Variants in RASGRF2 observed in about 807,000 individuals in gnomAD.
RASGRF2 encodes the protein Ras protein specific guanine nucleotide releasing factor 2.
In RASGRF2, 76 loss-of-function variants were observed where a neutral mutation model predicts 151.0. That is an observed-to-expected ratio of 0.50 (90% CI 0.42 to 0.61). The LOEUF is 0.61. Ranked by LOEUF, RASGRF2 falls within the 20% of genes least tolerant of loss-of-function variation. RASGRF2 has a pLI of 0.00. For missense variants in RASGRF2, 1,148 were observed against 1,564.6 expected, an observed-to-expected ratio of 0.73 and a Z score of 4.49; for synonymous variants, 504 against 566.5, an observed-to-expected ratio of 0.89 and a Z score of 1.57.
At chr5:81,090,493 G>C (rs987450895) in intron 9 of RASGRF2, among the ~76,000 whole-genome samples, 3 of 152,158 alleles carry the variant, frequency 2.0e-5, no homozygotes, top group African/African-American at 7.2e-5. Context: ...CATGTCAAAT[G>C]CAAGAGAAAA....
At chr5:81,015,634 A>G (rs187658062) in intron 1 of RASGRF2, among the ~76,000 whole-genome samples, 1,708 of 151,948 alleles carry the variant, frequency 0.011, 45 homozygotes, top group African/African-American at 0.039. Flanking sequence ...ATTGATTTTG[A>G]AAACCTCTTC....
chr5:80,989,209 G>A lies in RASGRF2; in HGVS notation c.288+28183G>A, dbSNP rs938686740. On this transcript the variant is annotated intron_variant, in intron 1 of 26. Coordinates refer to ENST00000265080, the MANE Select transcript of RASGRF2 (RefSeq NM_006909.3). ...TGGTCTCGAACTCCTGGCCTCAAGT[G>A]ATCCCCCCGCGTCTGTCTCCCAAAG... 3.4e-4 allele frequency among the ~76,000 whole-genome samples: 51 copies of A among 152,054 alleles called. 1 individual carries two copies. The highest frequency in any genetic ancestry group is 1.5e-4 in the Non-Finnish European group (10 of 68,008).
chr5:81,006,247 T>G (rs1749266217), intron 1 of RASGRF2, among the ~76,000 whole-genome samples: 2 of 152,224 alleles, frequency 1.3e-5, no homozygotes, highest in African/African-American at 4.8e-5. Flanking sequence ...GGTTGTTTAG[T>G]TGTTTATTGG....
intron 1 of RASGRF2, among the ~76,000 whole-genome samples, chr5:81,029,643 C>A (rs1750166214): frequency 6.6e-6 from 1 of 152,212 alleles, no homozygotes; most frequent in Non-Finnish European, 1.5e-5. Flanking sequence ...AAAACCCCAT[C>A]TGCACGTCAC....
At chr5:81,094,611 T>A (rs980961803) in intron 11 of RASGRF2, among the ~76,000 whole-genome samples, 5 of 152,114 alleles carry the variant, frequency 3.3e-5, no homozygotes, top group Non-Finnish European at 5.9e-5. Flanking sequence ...GGAATTTTTT[T>A]TAAAAAAAAC....
At chr5:80,983,416 A>G (rs1027879192) in intron 1 of RASGRF2, among the ~76,000 whole-genome samples, 1 of 152,204 alleles carries the variant, frequency 6.6e-6, no homozygotes, top group African/African-American at 2.4e-5. Context: ...GGTGAAACTG[A>G]TGGCAGCAGC....
At position 81,001,715 on chromosome 5, in the gene RASGRF2, C is replaced by A. The variant is rs1304590650; in HGVS notation, c.288+40689C>A. Among the ~76,000 whole-genome samples, 4 of 152,094 alleles carry A rather than the reference C, an allele frequency of 2.6e-5. No individual in the cohort carries two copies. In the South Asian group the frequency reaches 8.3e-4, roughly 32 times the overall value. On this transcript the variant is annotated intron_variant, in intron 1 of 26. Transcript: ENST00000265080. Reference sequence around the variant, plus strand: ...AGCAACCTTTTCGAGACAATTGTACCCTGACTTGTATTTATTTACTTGTTT... The same window carrying A: ...AGCAACCTTTTCGAGACAATTGTACACTGACTTGTATTTATTTACTTGTTT...
chr5:81,085,963 T>G lies in RASGRF2; in HGVS notation c.1271+52T>G, dbSNP rs538241425. ...TTGGGAGAGGAAAGCAGCAAGTTAG[T>G]CTCTTGTGGAAACCTCCTGTATATG... On this transcript the variant is annotated intron_variant, in intron 8 of 26. Transcript: ENST00000265080. 124 of 1,611,588 alleles carry G rather than the reference T, an allele frequency of 7.7e-5. No homozygotes were observed. The African/African-American group carries it at 1.4e-3, about 18-fold the overall frequency.
chr5:81,025,763 A>G (rs1749998734), intron 1 of RASGRF2, among the ~76,000 whole-genome samples: 2 of 152,104 alleles, frequency 1.3e-5, no homozygotes, highest in Admixed American at 1.3e-4. Context: ...CTTAGAGACA[A>G]AATATGGACT....
At chr5:81,042,843 G>A in intron 1 of RASGRF2, 34 bp from the exon 2 acceptor site, 7 of 1,468,302 alleles carry the variant, frequency 4.8e-6, no homozygotes, top group Non-Finnish European at 6.6e-6. Context: ...TTGAAAAATA[G>A]AACTAAGTTT....
Position 81,068,298 on chromosome 5 carries a change from A to G in RASGRF2, c.543+119A>G, listed in dbSNP as rs1035021486. The stretch of plus-strand genomic sequence containing the variant: ...CCCAGGCTGACTTCCTCTGACATCA[A>G]CACATACGTGGCTGGGCCTGACCTA... On this transcript the variant is annotated intron_variant, in intron 3 of 26. Coordinates refer to ENST00000265080, the MANE Select transcript of RASGRF2 (RefSeq NM_006909.3). 4.2e-6 allele frequency: 5 copies of G among 1,191,278 alleles called. No individual in the cohort carries two copies. In the African/African-American group the frequency reaches 4.6e-5, roughly 11 times the overall value. The allele number at this position is 1,191,278 out of a possible 1,614,324, so 73.8% of individuals were successfully genotyped here.
chr5:81,024,249 ATTTTTTTTTTTTT>A (rs397884951), intron 1 of RASGRF2, among the ~76,000 whole-genome samples: 2 of 71,684 alleles, frequency 2.8e-5, no homozygotes, highest in South Asian at 5.5e-4. Context: ...TATTCATATA[ATTTTTTTTTTTTT>A]TTTTTTTTTT....
At chr5:81,065,727 G>C (rs1392861510) in intron 2 of RASGRF2, among the ~76,000 whole-genome samples, 1 of 152,274 alleles carries the variant, frequency 6.6e-6, no homozygotes, top group African/African-American at 2.4e-5. Context: ...CAAGGTATCT[G>C]TATCTGTGGT....
At chr5:81,205,803 T>G (rs979480508) in intron 19 of RASGRF2, among the ~76,000 whole-genome samples, 3 of 152,164 alleles carry the variant, frequency 2.0e-5, no homozygotes, top group Non-Finnish European at 2.9e-5. Context: ...CAGGCTGGAG[T>G]GCAGTGGCGC....
chr5:81,171,817 C>T (rs17292948), intron 17 of RASGRF2, among the ~76,000 whole-genome samples: 2,389 of 152,328 alleles, frequency 0.016, 18 homozygotes, highest in Non-Finnish European at 0.024. Flanking sequence ...AGTCTTTAAA[C>T]TGGCTCACCC....
At chr5:81,053,442 A>G (rs1751087839) in intron 2 of RASGRF2, among the ~76,000 whole-genome samples, 1 of 152,004 alleles carries the variant, frequency 6.6e-6, no homozygotes, top group Non-Finnish European at 1.5e-5. Flanking sequence ...ATGTCCCTAC[A>G]AAGGACATGA....
At chr5:81,161,610 A>G (rs1419563851) in intron 17 of RASGRF2, among the ~76,000 whole-genome samples, 3 of 152,222 alleles carry the variant, frequency 2.0e-5, no homozygotes, top group Non-Finnish European at 4.4e-5. Flanking sequence ...AGAACATGCT[A>G]TCTACCAGTC....
At chr5:81,031,120 C>T (rs1750229013) in intron 1 of RASGRF2, among the ~76,000 whole-genome samples, 1 of 152,170 alleles carries the variant, frequency 6.6e-6, no homozygotes, top group Non-Finnish European at 1.5e-5. Flanking sequence ...TATATATGCA[C>T]CCAATCCAGG....
intron 15 of RASGRF2, among the ~76,000 whole-genome samples, chr5:81,123,212 A>T (rs1447232791): frequency 6.6e-6 from 1 of 152,166 alleles, no homozygotes; most frequent in Non-Finnish European, 1.5e-5. Flanking sequence ...GGGCCACATT[A>T]TAGAGATTCA....
Sources: allele counts gnomAD v4.1 joint callset (sites outside exome capture counted in the v4.1 genomes callset), GRCh38; gene constraint gnomAD v4.1.1; transcripts MANE v1.5; gene names NCBI Gene and HGNC (gene_info 2026-07-23, HGNC 2026-07-21).